Variants in UBE2E2 observed in about 807,000 individuals in gnomAD.
UBE2E2 encodes ubiquitin-conjugating enzyme E2 E2.
UBE2E2 carries 6 observed loss-of-function variants against 24.7 expected under a neutral mutation model. The ratio of observed to expected loss-of-function variants is 0.24; its 90% CI spans 0.13 to 0.48. The LOEUF is 0.48. UBE2E2 is among the 20% of genes least tolerant of loss of function. The pLI, the probability that UBE2E2 is intolerant of heterozygous loss-of-function variation, is 0.99. For missense variants in UBE2E2, 169 were observed against 245.0 expected, an observed-to-expected ratio of 0.69 and a Z score of 2.07; for synonymous variants, 104 against 83.6, an observed-to-expected ratio of 1.24 and a Z score of -1.33.
intron 3 of UBE2E2, among the ~76,000 whole-genome samples, chr3:23,415,049 C>T (rs1487991133): frequency 6.6e-6 from 1 of 152,212 alleles, no homozygotes; most frequent in East Asian, 1.9e-4. Context: ...AGCTACTGGA[C>T]TTGCTAGATA....
At chr3:23,427,905 A>T (rs1697966291) in intron 3 of UBE2E2, among the ~76,000 whole-genome samples, 1 of 152,230 alleles carries the variant, frequency 6.6e-6, no homozygotes, top group Non-Finnish European at 1.5e-5. Context: ...ACAACAGCAT[A>T]TCAAAATATG....
At chr3:23,328,650 ATC>A (rs758980716) in intron 3 of UBE2E2, among the ~76,000 whole-genome samples, 1 of 141,440 alleles carries the variant, frequency 7.1e-6, no homozygotes, top group Admixed American at 7.5e-5. Flanking sequence ...AAATGCCGTA[ATC>A]TCTCTCTCTC....
intron 3 of UBE2E2, among the ~76,000 whole-genome samples, chr3:23,365,713 C>T (rs908854355): frequency 6.6e-6 from 1 of 152,112 alleles, no homozygotes; most frequent in African/African-American, 2.4e-5. Context: ...GATTCAGTGC[C>T]ATTCCTATCA....
intron 3 of UBE2E2, among the ~76,000 whole-genome samples, chr3:23,457,340 C>T (rs929859060): frequency 8.5e-5 from 13 of 152,128 alleles, no homozygotes; most frequent in African/African-American, 3.1e-4. Context: ...AACAAAAGCT[C>T]AAGGTATAAC....
chr3:23,492,373 C>T lies in UBE2E2; in HGVS notation c.228-7235C>T, dbSNP rs185777973. On this transcript the variant is annotated intron_variant, in intron 3 of 5. Transcript: ENST00000396703. Reference sequence around the variant, plus strand: ...ATCCCCTCATCTTCTTCTCACTACCCTATTCCCTGGTAATTTCAGGTCAGT... The same window carrying T: ...ATCCCCTCATCTTCTTCTCACTACCTTATTCCCTGGTAATTTCAGGTCAGT... 1.8e-3 allele frequency among the ~76,000 whole-genome samples: 269 copies of T among 152,300 alleles called. 5 individuals carry two copies. The highest frequency in any genetic ancestry group is 6.8e-3 in the Middle Eastern group (2 of 294).
intron 3 of UBE2E2, among the ~76,000 whole-genome samples, chr3:23,413,353 C>CT (rs904119520): frequency 2.0e-5 from 3 of 151,972 alleles, no homozygotes; most frequent in African/African-American, 7.3e-5. Context: ...ATACTTTGAC[C>CT]TTTTTTTCCC....
intron 3 of UBE2E2, among the ~76,000 whole-genome samples, chr3:23,489,466 G>A (rs1288032967): frequency 6.6e-6 from 1 of 152,120 alleles, no homozygotes; most frequent in East Asian, 1.9e-4. Context: ...CACCGCTGAT[G>A]TGACAGAAGA....
At chr3:23,463,865 C>G (rs1217308489) in intron 3 of UBE2E2, among the ~76,000 whole-genome samples, 1 of 152,102 alleles carries the variant, frequency 6.6e-6, no homozygotes, top group African/African-American at 2.4e-5. Flanking sequence ...CTCAGTCTTC[C>G]ACTCAAAGGA....
intron 3 of UBE2E2, among the ~76,000 whole-genome samples, chr3:23,421,695 CA>C (rs1697801997): frequency 1.3e-5 from 2 of 152,196 alleles, no homozygotes; most frequent in Non-Finnish European, 2.9e-5. Context: ...CGTGAGCCAC[CA>C]TACCTGGCCT....
Position 23,540,718 on chromosome 3 carries a change from A to T in UBE2E2, c.508+8017A>T, listed in dbSNP as rs1334717419. Reference sequence around the variant, plus strand: ...GTGCCTGGCAGACTGACACCTTTTTAAAAAAATAGAGAGAGAGATGAAACC... The same window carrying T: ...GTGCCTGGCAGACTGACACCTTTTTTAAAAAATAGAGAGAGAGATGAAACC... On this transcript the variant is annotated intron_variant, in intron 5 of 5. Coordinates refer to ENST00000396703, the MANE Select transcript of UBE2E2 (RefSeq NM_152653.4). Among the ~76,000 whole-genome samples, 5 of 151,860 alleles carry T rather than the reference A, an allele frequency of 3.3e-5. No individual in the cohort carries two copies. In the East Asian group the frequency reaches 7.7e-4, roughly 23 times the overall value.
intron 1 of UBE2E2, among the ~76,000 whole-genome samples, chr3:23,204,202 C>T (rs1696061238): frequency 6.6e-6 from 1 of 151,482 alleles, no homozygotes; most frequent in African/African-American, 2.4e-5. Flanking sequence ...TCTTTTTGCC[C>T]TTTACCATTT....
chr3:23,203,343 A>G lies in UBE2E2; in HGVS notation c.-130A>G. On this transcript the variant is annotated 5_prime_UTR_variant, in exon 1 of 6. Coordinates refer to ENST00000396703, the MANE Select transcript of UBE2E2 (RefSeq NM_152653.4). ...CGTGGGTCCGGCTTTCGGTGACTAG[A>G]CGGTCCGCAGGGGACATCCCGTCCC... is the stretch of plus-strand genomic sequence containing the variant. The G allele has an allele frequency of 1.0e-6, 1 of 985,608 alleles. No individual in the cohort carries two copies. Among genetic ancestry groups the G allele is most frequent in the Non-Finnish European group, 1.2e-6 (1 of 830,370 alleles). 61.1% of individuals were successfully genotyped at this position (985,608 alleles called of 1,614,324 possible).
At chr3:23,241,408 A>T (rs1378152830) in intron 3 of UBE2E2, among the ~76,000 whole-genome samples, 1 of 152,188 alleles carries the variant, frequency 6.6e-6, no homozygotes, top group Non-Finnish European at 1.5e-5. Context: ...GTGAGATCAT[A>T]TTACTCCTTG....
At chr3:23,470,954 C>T (rs534287903) in intron 3 of UBE2E2, among the ~76,000 whole-genome samples, 1 of 152,256 alleles carries the variant, frequency 6.6e-6, no homozygotes, top group East Asian at 1.9e-4. Context: ...TATGTTCCGA[C>T]ACTTTTAACC....
intron 3 of UBE2E2, among the ~76,000 whole-genome samples, chr3:23,343,876 A>T (rs1695472229): frequency 1.3e-5 from 2 of 152,172 alleles, no homozygotes; most frequent in African/African-American, 2.4e-5. Flanking sequence ...TACTTATTTT[A>T]TGTAGTTGTA....
In UBE2E2 at chr3:23,288,280, C is replaced by T. The variant is rs1575533889; in HGVS notation, c.227+70968C>T. 9.2e-5 allele frequency among the ~76,000 whole-genome samples: 14 copies of T among 152,270 alleles called. 2 individuals carry two copies. The South Asian group carries it at 2.9e-3, about 32-fold the overall frequency. On this transcript the variant is annotated intron_variant, in intron 3 of 5. Transcript: ENST00000396703. ...TATTCCATTCTGGCTAGAAAAGATA[C>T]TTGACATTATTTCAGTTTTTTAAAA...
chr3:23,293,061 G>T (rs182803812), intron 3 of UBE2E2, among the ~76,000 whole-genome samples: 1 of 152,156 alleles, frequency 6.6e-6, no homozygotes, highest in Admixed American at 6.5e-5. Flanking sequence ...CAACAAGAGC[G>T]AAACTCCGTC....
chr3:23,269,748 A>C (rs1698181346), intron 3 of UBE2E2, among the ~76,000 whole-genome samples: 1 of 152,172 alleles, frequency 6.6e-6, no homozygotes, highest in Non-Finnish European at 1.5e-5. Flanking sequence ...AGAGCTCTTC[A>C]TGGGTAGAGT....
At chr3:23,403,595 T>C (rs977063483) in intron 3 of UBE2E2, among the ~76,000 whole-genome samples, 3 of 151,782 alleles carry the variant, frequency 2.0e-5, no homozygotes, top group Non-Finnish European at 2.9e-5. Flanking sequence ...CCAAGGCGAG[T>C]GGATCACCCA....
Sources: gnomAD v4.1 joint callset for allele counts (sites outside exome capture counted in the v4.1 genomes callset) on GRCh38, gnomAD v4.1.1 for gene constraint, MANE v1.5 for transcripts, NCBI Gene and HGNC (gene_info 2026-07-23, HGNC 2026-07-21) for gene names.